Variants in HIPK3 observed in about 807,000 individuals in gnomAD.
HIPK3 encodes the protein homeodomain-interacting protein kinase 3.
Under a neutral mutation model 124.2 loss-of-function variants are expected in HIPK3, and 47 were observed. The observed-to-expected ratio is 0.38, with a 90% CI of 0.30 to 0.48. The LOEUF is 0.48. Among genes scored for constraint, HIPK3 ranks in the 20% least tolerant of loss-of-function variants. The pLI is 0.98. For synonymous variants in HIPK3, 482 were observed against 515.2 expected, an observed-to-expected ratio of 0.94 and a Z score of 0.87; for missense variants, 1,286 against 1,454.3, an observed-to-expected ratio of 0.88 and a Z score of 1.88.
rs546247358 is a variant in HIPK3, at chr11:33,308,965, TA to T, written c.1098-19538del. On this transcript the variant is annotated intron_variant, in intron 2 of 16. Coordinates refer to ENST00000303296, the MANE Select transcript of HIPK3 (RefSeq NM_005734.5). ...TCACCAATATTTTACTGTAAAACAT[TA>T]AAAAAATAGTAATAATAAAATAAAA... 1.1e-4 allele frequency among the ~76,000 whole-genome samples: 17 copies of T among 151,832 alleles called. No individual in the cohort carries two copies. In the South Asian group the frequency reaches 2.9e-3, roughly 26 times the overall value.
intron 3 of HIPK3, among the ~76,000 whole-genome samples, chr11:33,333,802 G>C (rs1416158750): frequency 2.0e-5 from 3 of 152,130 alleles, no homozygotes; most frequent in East Asian, 3.9e-4. Flanking sequence ...CTTAATTGCA[G>C]ATTATATGCT....
chr11:33,339,906 C>T (rs1170562380), intron 6 of HIPK3, among the ~76,000 whole-genome samples: 1 of 152,126 alleles, frequency 6.6e-6, no homozygotes, highest in Non-Finnish European at 1.5e-5. Context: ...AGTCGTGCAA[C>T]TTCCATTTTA....
At chr11:33,302,953 G>C (rs1017253718) in intron 2 of HIPK3, among the ~76,000 whole-genome samples, 2 of 152,108 alleles carry the variant, frequency 1.3e-5, no homozygotes, top group Non-Finnish European at 2.9e-5. Flanking sequence ...ATTTTTAAAG[G>C]CTTGGTCACA....
chr11:33,337,159 G>T lies in HIPK3; in HGVS notation c.1306G>T (p.Glu436Ter). 1.3e-6 allele frequency: 2 copies of T among 1,567,512 alleles called. No individual in the cohort carries two copies. Among genetic ancestry groups the T allele is most frequent in the Admixed American group, 1.7e-5 (1 of 59,254 alleles). ...TAAATCCACAAGATTTTTTTGCAAA[G>T]AAACAGATATGTCTCATTCTGGTTG... ...GTKSTRFFCK[E>*]TDMSHSGWRL... The change falls in exon 4 of 17, where the codon GAA (glutamate) becomes TAA (stop). Residue 436 changes from glutamate to a stop codon, truncating the protein, a stop_gained. Transcript: ENST00000303296. LOFTEE classifies it high-confidence loss of function.
chr11:33,311,958 T>G (rs1450892295), intron 2 of HIPK3, among the ~76,000 whole-genome samples: 1 of 96,922 alleles, frequency 1.0e-5, no homozygotes, highest in African/African-American at 3.6e-5. Context: ...ACGGGCAACA[T>G]AGCAAGACCC....
chr11:33,348,503 A>G lies in HIPK3; in HGVS notation c.2370-19A>G, dbSNP rs199851984. On this transcript the variant is annotated intron_variant, in intron 12 of 16. Transcript: ENST00000303296. ...CATATTTTGATTATAGAAATTATAAATTATTCCTTTGGTTGCAGGAGTAAT... is the reference window on the plus strand; with the variant it reads ...CATATTTTGATTATAGAAATTATAAGTTATTCCTTTGGTTGCAGGAGTAAT... 9 of 1,563,010 alleles carry G rather than the reference A, an allele frequency of 5.8e-6. No individual in the cohort carries two copies. In the South Asian group the frequency reaches 5.8e-5, roughly 10 times the overall value.
chr11:33,277,096 G>A (rs1851293167), intron 1 of HIPK3, among the ~76,000 whole-genome samples: 1 of 152,104 alleles, frequency 6.6e-6, no homozygotes, highest in South Asian at 2.1e-4. Flanking sequence ...AAAAATTAAT[G>A]TAAACCCAGG....
rs266472 is a variant in HIPK3, at chr11:33,338,835, G to A, written c.1420G>A (p.Val474Ile). ...RKYIFNSLDD[V>I]AHVNTVMDLE... is the part of the protein sequence containing the mutation. ...ATACATTTTCAACAGTCTGGATGAT[G>A]TAGCGCATGTGAGTACCATAGCCAC... is the stretch of plus-strand genomic sequence containing the variant. Residue 474 changes from valine to isoleucine, a missense_variant, in exon 5 of 17, where the codon GTA becomes ATA. Physicochemically the swap from Val to Ile is conservative, Grantham distance 29. Coordinates refer to ENST00000303296, the MANE Select transcript of HIPK3 (RefSeq NM_005734.5). The A allele has an allele frequency of 2.6e-3, 4,179 of 1,609,746 alleles. 102 individuals carry two copies. In the African/African-American group the frequency reaches 0.049, roughly 19 times the overall value.
At chr11:33,314,062 T>C (rs1590391465) in intron 2 of HIPK3, among the ~76,000 whole-genome samples, 1 of 152,058 alleles carries the variant, frequency 6.6e-6, no homozygotes, top group Non-Finnish European at 1.5e-5. Context: ...GCTCAAGCAG[T>C]CCTCCTGCCA....
rs574596170 is a variant in HIPK3 at position 33,298,988 on chromosome 11, A to G, written c.1097+11477A>G. Among the ~76,000 whole-genome samples, 10 of 152,096 alleles carry G rather than the reference A, an allele frequency of 6.6e-5. No homozygotes were observed. The East Asian group carries it at 2.0e-3, about 30-fold the overall frequency. On this transcript the variant is annotated intron_variant, in intron 2 of 16. Transcript: ENST00000303296. ...CAGCCTCCCAAGTAGCTGGAATTAC[A>G]GGTGCCTGCCACCATGCCTGGCTAA... is the stretch of plus-strand genomic sequence containing the variant.
chr11:33,285,705 T>TC (rs1851530947), intron 1 of HIPK3, among the ~76,000 whole-genome samples: 1 of 152,092 alleles, frequency 6.6e-6, no homozygotes, highest in Non-Finnish European at 1.5e-5. Context: ...TCTTTTCTTG[T>TC]CATTGGTTCA....
chr11:33,278,792 A>C (rs539351218), intron 1 of HIPK3, among the ~76,000 whole-genome samples: 5 of 152,054 alleles, frequency 3.3e-5, no homozygotes, highest in African/African-American at 1.2e-4. Context: ...TGCAGTGAGC[A>C]GAGATCGTGC....
intron 2 of HIPK3, among the ~76,000 whole-genome samples, chr11:33,289,462 A>T (rs1304804523): frequency 6.6e-6 from 1 of 152,142 alleles, no homozygotes; most frequent in Non-Finnish European, 1.5e-5. Flanking sequence ...TAAAGTGTGT[A>T]TTAGGAATTA....
At chr11:33,260,207 A>G (rs894481978) in intron 1 of HIPK3, among the ~76,000 whole-genome samples, 1 of 152,178 alleles carries the variant, frequency 6.6e-6, no homozygotes, top group African/African-American at 2.4e-5. Flanking sequence ...TAGGGTGTAA[A>G]TTACAGACGT....
At chr11:33,300,745 T>C (rs1851975453) in intron 2 of HIPK3, among the ~76,000 whole-genome samples, 1 of 152,136 alleles carries the variant, frequency 6.6e-6, no homozygotes, top group African/African-American at 2.4e-5. Context: ...TATTTTTTTG[T>C]TTTGTTTTTT....
rs1852845973 is a variant in HIPK3 at position 33,327,521 on chromosome 11, A to G, written c.1098-989A>G. Among the ~76,000 whole-genome samples, 3 of 152,218 alleles carry G rather than the reference A, an allele frequency of 2.0e-5. No individual in the cohort carries two copies. The South Asian group carries it at 6.2e-4, about 31-fold the overall frequency. On this transcript the variant is annotated intron_variant, in intron 2 of 16. Transcript: ENST00000303296. Reference sequence around the variant, plus strand: ...AAGGACGGTATTAGTATAATTGGCCAAACTTAAATGGAGTCTGAAGCTTAG... The same window carrying G: ...AAGGACGGTATTAGTATAATTGGCCGAACTTAAATGGAGTCTGAAGCTTAG...
intron 2 of HIPK3, among the ~76,000 whole-genome samples, chr11:33,309,844 G>A (rs1046920013): frequency 6.6e-6 from 1 of 152,116 alleles, no homozygotes; most frequent in Admixed American, 6.5e-5. Flanking sequence ...ATTTGTTTAT[G>A]GTTCTTTTTT....
intron 3 of HIPK3, 21 bp downstream of exon 3, chr11:33,328,654 A>C: frequency 6.2e-7 from 1 of 1,609,204 alleles, no homozygotes; most frequent in East Asian, 2.2e-5. Flanking sequence ...ATGATAATCT[A>C]ATAGAATTGG....
At chr11:33,349,408 A>G in intron 14 of HIPK3, 121 bp downstream of exon 14, 5 of 735,964 alleles carry the variant, frequency 6.8e-6, no homozygotes, top group East Asian at 2.7e-5. Context: ...CTTGAACACA[A>G]TTTTTGAACT....
Sources: allele counts gnomAD v4.1 joint callset (sites outside exome capture counted in the v4.1 genomes callset), GRCh38; gene constraint gnomAD v4.1.1; transcripts MANE v1.5; gene names NCBI Gene and HGNC (gene_info 2026-07-23, HGNC 2026-07-21).